Variants in SUCLG2 observed in about 807,000 individuals in gnomAD.
SUCLG2 encodes succinate-CoA ligase GDP-forming subunit beta.
SUCLG2 carries 42 observed loss-of-function variants against 47.9 expected under a neutral mutation model. That is an observed-to-expected ratio of 0.88 (90% confidence interval 0.69 to 1.14). The LOEUF is 1.14. Ranked by LOEUF, SUCLG2 falls within the 50% of genes most tolerant of loss-of-function variation. The probability of loss-of-function intolerance (pLI) is 0.00; values close to 1 mark genes in which losing one functional copy is unlikely to be tolerated. For missense variants in SUCLG2, 571 were observed against 525.9 expected (o/e 1.09, Z -0.84); for synonymous variants, 195 against 197.3 (o/e 0.99, Z 0.10).
chr3:67,640,261 T>C (rs1364050307), intron 1 of SUCLG2, among the ~76,000 whole-genome samples: 1 of 152,214 alleles, frequency 6.6e-6, no homozygotes, highest in Non-Finnish European at 1.5e-5. Flanking sequence ...TCCCGTGCTC[T>C]GGGCAGCACT....
chr3:67,579,062 T>C (rs755757090), intron 2 of SUCLG2, among the ~76,000 whole-genome samples: 23 of 152,190 alleles, frequency 1.5e-4, no homozygotes, highest in Non-Finnish European at 2.5e-4. Flanking sequence ...AACCCTAAAA[T>C]TTCCTCAGAA....
intron 9 of SUCLG2, among the ~76,000 whole-genome samples, chr3:67,444,157 T>TG (rs538268918): frequency 0.49 from 11,779 of 23,960 alleles, 1,136 homozygotes; most frequent in Admixed American, 0.54. Flanking sequence ...GGGAGGGAGG[T>TG]GGGGGAGTCA....
chr3:67,410,238 T>A (rs2106834643), intron 9 of SUCLG2, among the ~76,000 whole-genome samples: 1 of 152,320 alleles, frequency 6.6e-6, no homozygotes, highest in South Asian at 2.1e-4. Flanking sequence ...AAAGTTATAG[T>A]ATCTACAAAA....
intron 1 of SUCLG2, among the ~76,000 whole-genome samples, chr3:67,643,751 T>A (rs1701143341): frequency 6.6e-6 from 1 of 152,116 alleles, no homozygotes; most frequent in Admixed American, 6.6e-5. Flanking sequence ...AAACCCACCA[T>A]CTGCAACCTC....
intron 9 of SUCLG2, among the ~76,000 whole-genome samples, chr3:67,404,612 C>T (rs1023352127): frequency 6.6e-6 from 1 of 152,100 alleles, no homozygotes; most frequent in African/African-American, 2.4e-5. Flanking sequence ...AGTCACCACC[C>T]TGGGTGGTGA....
Position 67,476,229 on chromosome 3 carries a change from G to C in SUCLG2, c.1062+19569C>G, listed in dbSNP as rs184254986. Among the ~76,000 whole-genome samples the C allele has an allele frequency of 3.3e-5, 5 of 152,088 alleles. No individual in the cohort carries two copies. In the East Asian group the frequency reaches 9.7e-4, roughly 30 times the overall value. ...TGTTAGGAACTGGGCCGCACAGCAG[G>C]AGGTGAGCAGTGGGCAAGCAAACGA... On this transcript the variant is annotated intron_variant, in intron 9 of 10. Coordinates refer to ENST00000307227, the MANE Select transcript of SUCLG2 (RefSeq NM_003848.4).
rs1455821111 is a variant in SUCLG2 at position 67,376,202 on chromosome 3, T to G, written c.1184-343A>C. 9.1e-6 allele frequency: 9 copies of G among 985,234 alleles called. No homozygotes were observed. In the African/African-American group the frequency reaches 1.6e-4, roughly 17 times the overall value. 61.0% of individuals were successfully genotyped at this position (985,234 alleles called of 1,614,324 possible). On this transcript the variant is annotated intron_variant, in intron 10 of 10. Transcript: ENST00000307227. ...TGTCTTAAAGCCCTCTCAGACGTCA[T>G]CAGGGGTTTGGGCTGTGACCTGATT...
downstream of SUCLG2, among the ~76,000 whole-genome samples, chr3:67,371,699 T>C (rs1224723980): frequency 6.6e-6 from 1 of 152,158 alleles, no homozygotes; most frequent in Non-Finnish European, 1.5e-5. Flanking sequence ...GAACCCAGCT[T>C]GCTAAATGTC....
At chr3:67,453,676 G>T (rs907714609) in intron 9 of SUCLG2, among the ~76,000 whole-genome samples, 17 of 152,170 alleles carry the variant, frequency 1.1e-4, no homozygotes, top group Non-Finnish European at 2.4e-4. Flanking sequence ...TACAAATCAG[G>T]AAGTAAGAAA....
At chr3:67,592,643 C>G (rs2107280402) in intron 2 of SUCLG2, among the ~76,000 whole-genome samples, 1 of 129,874 alleles carries the variant, frequency 7.7e-6, no homozygotes, top group Admixed American at 9.4e-5. Flanking sequence ...CCTTGTTATT[C>G]AAGACATCAA....
At chr3:67,614,557 G>C (rs1700590323) in intron 1 of SUCLG2, among the ~76,000 whole-genome samples, 1 of 151,902 alleles carries the variant, frequency 6.6e-6, no homozygotes, top group South Asian at 2.1e-4. Context: ...CCGGCCCTTT[G>C]TTAAATTCTA....
At chr3:67,533,559 A>G (rs537038084) in intron 2 of SUCLG2, among the ~76,000 whole-genome samples, 1 of 152,320 alleles carries the variant, frequency 6.6e-6, no homozygotes, top group Admixed American at 6.5e-5. Context: ...GAAGGCAAGG[A>G]GAAGGCAAAG....
At position 67,445,139 on chromosome 3, in the gene SUCLG2, C is replaced by T. The variant is rs558225297; in HGVS notation, c.1063-44288G>A. Among the ~76,000 whole-genome samples, 33 of 62,800 alleles carry T rather than the reference C, an allele frequency of 5.3e-4. 9 individuals are homozygous for T. In the South Asian group the frequency reaches 0.026, roughly 49 times the overall value. The allele number at this position is 62,800 out of a possible 152,430, so 41.2% of individuals were successfully genotyped here. A position where few individuals can be genotyped will look rare whatever the true frequency, so the allele number is the denominator to read the frequency against. ...GGTGAGCCCAACCGCTCATTGAGAA[C>T]GGGCCAGGATGACAATGGCGGCTTT... On this transcript the variant is annotated intron_variant, in intron 9 of 10. Coordinates refer to ENST00000307227, the MANE Select transcript of SUCLG2 (RefSeq NM_003848.4).
intron 6 of SUCLG2, among the ~76,000 whole-genome samples, chr3:67,515,384 G>A (rs1033388645): frequency 6.6e-6 from 1 of 152,076 alleles, no homozygotes; most frequent in Non-Finnish European, 1.5e-5. Flanking sequence ...ATGTCTTAAC[G>A]TTTTTCAACA....
At chr3:67,405,408 A>G (rs1254602441) in intron 9 of SUCLG2, among the ~76,000 whole-genome samples, 2 of 152,230 alleles carry the variant, frequency 1.3e-5, no homozygotes, top group African/African-American at 4.8e-5. Context: ...CAAATAAACA[A>G]ACCAACAAAA....
At chr3:67,455,396 T>G (rs930423038) in intron 9 of SUCLG2, among the ~76,000 whole-genome samples, 1 of 152,130 alleles carries the variant, frequency 6.6e-6, no homozygotes, top group Non-Finnish European at 1.5e-5. Flanking sequence ...TAAATCACCA[T>G]AAGCATCTTT....
At position 67,518,320 on chromosome 3, in the gene SUCLG2, A is replaced by G. The variant is rs1032432604; in HGVS notation, c.587T>C (p.Phe196Ser). The G allele has an allele frequency of 5.6e-6, 9 of 1,611,274 alleles. No homozygotes were observed. The highest frequency in any genetic ancestry group is 1.1e-5 in the South Asian group (1 of 90,492). The change falls in exon 6 of 11, where the codon TTT (phenylalanine) becomes TCT (serine). Residue 196 changes from phenylalanine (F) to serine (S), a missense_variant. Transcript: ENST00000307227. ...AGCTTGGCTGTCCTTTATTCCTTCA[A>G]AAATGTCAATTTGCTCCTAGTAAAA... is the stretch of plus-strand genomic sequence containing the variant. ...ELIFKEQIDI[F>S]EGIKDSQAQR...
chr3:67,586,445 T>C (rs999969902), intron 2 of SUCLG2, among the ~76,000 whole-genome samples: 2 of 152,220 alleles, frequency 1.3e-5, no homozygotes, highest in African/African-American at 2.4e-5. Flanking sequence ...ATGAGATTCA[T>C]TGATTTCGAG....
intron 9 of SUCLG2, among the ~76,000 whole-genome samples, chr3:67,452,324 C>G (rs939830946): frequency 6.6e-6 from 1 of 152,048 alleles, no homozygotes; most frequent in African/African-American, 2.4e-5. Flanking sequence ...TTGTAAGTTT[C>G]AAGTATTTTC....
Sources: gnomAD v4.1 joint callset for allele counts (sites outside exome capture counted in the v4.1 genomes callset) on GRCh38, gnomAD v4.1.1 for gene constraint, MANE v1.5 for transcripts, NCBI Gene and HGNC (gene_info 2026-07-23, HGNC 2026-07-21) for gene names.